Variants in IRF9 observed in about 807,000 individuals in gnomAD.
IRF9 encodes the protein IFN-alpha-responsive transcription factor subunit.
A neutral mutation model predicts 44.1 loss-of-function variants in IRF9; 13 were observed. The ratio of observed to expected loss-of-function variants is 0.29; its 90% CI spans 0.19 to 0.47. The LOEUF (loss-of-function observed/expected upper bound fraction) is 0.47, where lower values mean the gene tolerates loss of function less well. Among genes scored for constraint, IRF9 ranks in the 20% least tolerant of loss-of-function variants. IRF9 has a pLI of 1.00. For missense variants in IRF9, 373 were observed against 496.1 expected (o/e 0.75, Z 2.36); for synonymous variants, 189 against 188.5 (o/e 1.00, Z -0.02).
rs2038505313 is a variant in IRF9 at position 24,164,978 on chromosome 14, CAT to C, written c.991+24_991+25del. 4 of 1,606,442 alleles carry C rather than the reference CAT, an allele frequency of 2.5e-6. No individual in the cohort carries two copies. The highest frequency in any genetic ancestry group is 3.4e-6 in the Non-Finnish European group (4 of 1,175,146). ...GAGGTGAGGCTGTTCTCTCTGGGCA[CAT>C]GAGCTTCCACCCCCTACCTCTTAGT... On this transcript the variant is annotated intron_variant, in intron 7 of 8. Coordinates refer to ENST00000396864, the MANE Select transcript of IRF9 (RefSeq NM_006084.5). The surrounding 1 kb of genome is among the most constrained non-coding windows in gnomAD (Gnocchi z 5.2).
rs771133989 is a variant in IRF9 at position 24,163,055 on chromosome 14, G to A, written c.270G>A (p.Lys90=). Reference sequence around the variant, plus strand: ...CTCGCCTGCGCTGTGCACTCAACAAGAGTTCTGAATTTAAGGAGGTTCCTG... The same window carrying A: ...CTCGCCTGCGCTGTGCACTCAACAAAAGTTCTGAATTTAAGGAGGTTCCTG... ...WKTRLRCALN[K]SSEFKEVPER... is the part of the protein sequence containing the mutation. The change falls in exon 3 of 9, where the codon AAG becomes AAA. Residue 90 remains lysine (K), a synonymous_variant. Transcript: ENST00000396864. 1 of 1,614,178 alleles carries A rather than the reference G, an allele frequency of 6.2e-7. No individual in the cohort carries two copies.
At chr14:24,162,858 C>T in intron 2 of IRF9, 108 bp from the exon 3 acceptor site, 1 of 848,906 alleles carries the variant, frequency 1.2e-6, no homozygotes, top group Non-Finnish European at 1.8e-6. Context: ...ACAGACCCTG[C>T]ATAATCCCTT....
chr14:24,161,514 C>G (rs188163526), intron 1 of IRF9, among the ~76,000 whole-genome samples, 176 bp downstream of exon 1: 13 of 152,194 alleles, frequency 8.5e-5, no homozygotes, highest in African/African-American at 3.1e-4. Flanking sequence ...GCCAGCTCCC[C>G]AGACCCTTGT....
intron 8 of IRF9, 35 bp downstream of exon 8, chr14:24,165,997 TGA>T: frequency 6.3e-7 from 1 of 1,595,552 alleles, no homozygotes; most frequent in Non-Finnish European, 8.6e-7. Context: ...ACCCATCTAA[TGA>T]GAGCAGAGAC....
chr14:24,166,242 C>T lies in IRF9; in HGVS notation c.*46C>T, dbSNP rs2038521190. On this transcript the variant is annotated 3_prime_UTR_variant, in exon 9 of 9. Coordinates refer to ENST00000396864, the MANE Select transcript of IRF9 (RefSeq NM_006084.5). ...CACCTCACCTCTTTGTTCTTCCTGT[C>T]TCCTTTGAAGTAGACTCATTCTTCA... 5.8e-6 allele frequency: 9 copies of T among 1,538,958 alleles called. No individual in the cohort carries two copies. Among genetic ancestry groups the T allele is most frequent in the Non-Finnish European group, 7.2e-6 (8 of 1,115,414 alleles).
intron 2 of IRF9, 184 bp downstream of exon 2, chr14:24,162,508 T>G (rs1455732673): frequency 1.6e-6 from 1 of 627,526 alleles, no homozygotes; most frequent in East Asian, 3.1e-5. Flanking sequence ...GTTCAAAAAT[T>G]TTAGGGATAT....
intron 3 of IRF9, 60 bp from the exon 4 acceptor site, chr14:24,163,318 C>T (rs1475112311): frequency 6.3e-7 from 1 of 1,587,132 alleles, no homozygotes; most frequent in Non-Finnish European, 8.6e-7. Flanking sequence ...CAGACCTCTC[C>T]TTCACCCTCT....
At chr14:24,162,539 C>A (rs571233304) in intron 2 of IRF9, 1 of 528,358 alleles carries the variant, frequency 1.9e-6, no homozygotes, top group Non-Finnish European at 3.3e-6. Flanking sequence ...CGGTGGCTCA[C>A]GCCTGTAATC....
chr14:24,164,649 C>T lies in IRF9; in HGVS notation c.685C>T (p.Arg229Cys), dbSNP rs1460125657. 2 of 1,611,416 alleles carry T rather than the reference C, an allele frequency of 1.2e-6. No individual in the cohort carries two copies. The highest frequency in any genetic ancestry group is 1.7e-6 in the Non-Finnish European group (2 of 1,178,344). The change falls in exon 7 of 9, where the codon CGC (arginine) becomes TGC (cysteine). Residue 229 changes from arginine (R) to cysteine (C), a missense_variant. Arg to Cys is a radical substitution (Grantham distance 180). This residue lies in a region of IRF9 where 146 missense variants were observed against 240.8 expected (regional missense o/e 0.61). Transcript: ENST00000396864. This position sits in a 1 kb window ranked among gnomAD's most constrained non-coding sequence, Gnocchi z 5.2. ...GCTGCTCACCTTCATCTACAACGGG[C>T]GCGTGGTGGGCGAGGCCCAGGTGCA... ...SLLLTFIYNG[R>C]VVGEAQVQSL...
At chr14:24,163,222 C>A in intron 3 of IRF9, 73 bp downstream of exon 3, 1 of 1,575,270 alleles carries the variant, frequency 6.3e-7, no homozygotes, top group Non-Finnish European at 8.6e-7. Flanking sequence ...CAGGCTTCCC[C>A]CAGGCTTATA....
chr14:24,162,082 C>T, intron 1 of IRF9, 62 bp from the exon 2 acceptor site: 1 of 1,513,428 alleles, frequency 6.6e-7, no homozygotes, highest in South Asian at 1.2e-5. Context: ...TGGCCAGGGT[C>T]TCAGGAGATG....
rs145480303 is a variant in IRF9, at chr14:24,163,394, G to C, written c.381G>C (p.Gln127His). The change falls in exon 4 of 9, where the codon CAG (glutamine) becomes CAC (histidine). Residue 127 changes from glutamine to histidine, a missense_variant. Around this residue, in one of 2 missense-constraint regions of IRF9, gnomAD observed 227 missense variants for 255.3 expected, o/e 0.89. Coordinates refer to ENST00000396864, the MANE Select transcript of IRF9 (RefSeq NM_006084.5). ...PGIVSGQPGT[Q>H]KVPSKRQHSS... Reference sequence around the variant, plus strand: ...ATTCCACAGGCCAGCCAGGGACTCAGAAAGTACCATCAAAGCGACAGCACA... The same window carrying C: ...ATTCCACAGGCCAGCCAGGGACTCACAAAGTACCATCAAAGCGACAGCACA... The C allele has an allele frequency of 7.1e-4, 1,140 of 1,614,098 alleles. 9 individuals carry two copies. In the African/African-American group the frequency reaches 0.014, roughly 20 times the overall value.
Position 24,164,566 on chromosome 14 carries a change from C to A in IRF9, c.650-48C>A. The A allele has an allele frequency of 6.6e-7, 1 of 1,518,412 alleles. No homozygotes were observed. Among genetic ancestry groups the A allele is most frequent in the Non-Finnish European group, 8.9e-7 (1 of 1,122,086 alleles). 94.1% of individuals were successfully genotyped at this position (1,518,412 alleles called of 1,614,324 possible). On this transcript the variant is annotated intron_variant, in intron 6 of 8. Coordinates refer to ENST00000396864, the MANE Select transcript of IRF9 (RefSeq NM_006084.5). This position sits in a 1 kb window ranked among gnomAD's most constrained non-coding sequence, Gnocchi z 5.2. Reference sequence around the variant, plus strand: ...TTGTTCCCCTGGGGAGGGGCTGCTGCCAGCCTGCATGCTCCTCCAGCACCA... The same window carrying A: ...TTGTTCCCCTGGGGAGGGGCTGCTGACAGCCTGCATGCTCCTCCAGCACCA...
intron 7 of IRF9, chr14:24,165,469 G>A: frequency 1.8e-6 from 1 of 549,834 alleles, no homozygotes; most frequent in Admixed American, 3.1e-5. Context: ...AGGTGTACAG[G>A]GGGTGCAGAG....
At position 24,163,085 on chromosome 14, in the gene IRF9, G is replaced by A. The variant is rs968712231; in HGVS notation, c.300G>A (p.Arg100=). The A allele has an allele frequency of 6.2e-7, 1 of 1,614,064 alleles. No individual in the cohort carries two copies. The highest frequency in any genetic ancestry group is 1.7e-5 in the Admixed American group (1 of 60,012). ...CTGAATTTAAGGAGGTTCCTGAGAG[G>A]GGCCGCATGGATGTTGCTGAGCCCT... ...KSSEFKEVPE[R]GRMDVAEPYK... Residue 100 remains arginine, a synonymous_variant, in exon 3 of 9, where the codon AGG becomes AGA. Coordinates refer to ENST00000396864, the MANE Select transcript of IRF9 (RefSeq NM_006084.5).
rs1260270671 is a variant in IRF9 at position 24,164,688 on chromosome 14, C to T, written c.724C>T (p.Arg242Cys). ...GEAQVQSLDC[R>C]LVAEPSGSES... ...GGCCCAGGTGCAAAGCCTGGATTGC[C>T]GCCTTGTGGCTGAGCCCTCAGGCTC... Residue 242 changes from arginine to cysteine, a missense_variant, in exon 7 of 9, where the codon CGC becomes TGC. By Grantham distance (180) the Arg-to-Cys change is radical (BLOSUM62 -3). Around this residue, in one of 2 missense-constraint regions of IRF9, gnomAD observed 146 missense variants for 240.8 expected, o/e 0.61. Transcript: ENST00000396864. The surrounding 1 kb of genome is among the most constrained non-coding windows in gnomAD (Gnocchi z 5.2). The T allele has an allele frequency of 4.3e-6, 7 of 1,613,602 alleles. No individual in the cohort carries two copies. Among genetic ancestry groups the T allele is most frequent in the South Asian group, 1.1e-5 (1 of 91,084 alleles).
chr14:24,163,258 G>A (rs77682077), intron 3 of IRF9, 109 bp downstream of exon 3: 57,580 of 1,541,920 alleles, frequency 0.037, 1,276 homozygotes, highest in Middle Eastern at 0.069. Context: ...TGCCCTTGGG[G>A]GGCTGCAACC....
intron 7 of IRF9, chr14:24,165,486 T>A (rs1172045512): frequency 3.7e-6 from 2 of 538,462 alleles, no homozygotes; most frequent in Non-Finnish European, 6.7e-6. Flanking sequence ...AGAGTGTGGG[T>A]GTTCCCAGGG....
chr14:24,165,307 G>A (rs1426313225), intron 7 of IRF9: 5 of 662,720 alleles, frequency 7.5e-6, no homozygotes, highest in Admixed American at 6.2e-5. Flanking sequence ...CTTCTCCTAC[G>A]TACACACATT....
Sources: allele counts gnomAD v4.1 joint callset (sites outside exome capture counted in the v4.1 genomes callset), GRCh38; gene constraint gnomAD v4.1.1; regional missense constraint gnomAD v4.1.1; non-coding constraint Gnocchi (gnomAD v3.1); transcripts MANE v1.5; gene names NCBI Gene and HGNC (gene_info 2026-07-23, HGNC 2026-07-21).